The following CSMD2 variants were observed in gnomAD, a reference collection of about 807,000 sequenced individuals.
CSMD2 encodes the protein CUB and Sushi multiple domains 2.
In CSMD2, 130 loss-of-function variants were observed where a neutral mutation model predicts 398.5. That is an observed-to-expected ratio of 0.33 (90% CI 0.28 to 0.38). CSMD2 has a LOEUF of 0.38. Ranked by LOEUF, CSMD2 falls within the 10% of genes least tolerant of loss-of-function variation. CSMD2 has a pLI of 1.00. For missense variants in CSMD2, 3,829 were observed against 4,764.9 expected, an observed-to-expected ratio of 0.80 and a Z score of 5.78; for synonymous variants, 1,828 against 1,908.5, an observed-to-expected ratio of 0.96 and a Z score of 1.10.
At chr1:33,877,125 G>A (rs1307518566) in intron 5 of CSMD2, among the ~76,000 whole-genome samples, 3 of 152,240 alleles carry the variant, frequency 2.0e-5, no homozygotes, top group Non-Finnish European at 2.9e-5. Flanking sequence ...AAGGCAAATG[G>A]CTGCTGAGAG....
At chr1:33,961,880 T>C (rs2125398242) in intron 3 of CSMD2, among the ~76,000 whole-genome samples, 1 of 152,248 alleles carries the variant, frequency 6.6e-6, no homozygotes, top group African/African-American at 2.4e-5. Context: ...GAACCATGAA[T>C]CAAATCAACC....
Position 33,583,795 on chromosome 1 carries a change from T to C in CSMD2, c.7087A>G (p.Thr2363Ala), listed in dbSNP as rs769180908. The C allele has an allele frequency of 6.2e-7, 1 of 1,614,160 alleles. No homozygotes were observed. Among genetic ancestry groups the C allele is most frequent in the South Asian group, 1.1e-5 (1 of 91,084 alleles). ...TAGCTCTGGCTCAGGATCACGCCTG[T>C]GGAGTCTGTCAGAAGCTCATTTGTT... ...CPTNELLTDS[T>A]GVILSQSYPG... The change falls in exon 47 of 71, where the codon ACA becomes GCA. Residue 2363 changes from threonine to alanine, a missense_variant. By Grantham distance (58) the Thr-to-Ala change is moderately conservative. Coordinates refer to ENST00000373381, the MANE Select transcript of CSMD2 (RefSeq NM_001281956.2).
chr1:33,560,717 C>CA (rs1658461635), intron 53 of CSMD2, among the ~76,000 whole-genome samples: 1 of 152,250 alleles, frequency 6.6e-6, no homozygotes, highest in East Asian at 1.9e-4. Flanking sequence ...GCAACCAACA[C>CA]ACCACAGCAC....
intron 37 of CSMD2, among the ~76,000 whole-genome samples, chr1:33,618,476 T>A (rs1372512038): frequency 1.3e-5 from 2 of 152,182 alleles, no homozygotes; most frequent in African/African-American, 4.8e-5. Context: ...ACTTTCATGA[T>A]CTTGGCCTAG....
chr1:33,984,102 C>T (rs376006192), intron 3 of CSMD2, among the ~76,000 whole-genome samples: 4 of 151,888 alleles, frequency 2.6e-5, no homozygotes. Context: ...TGCAGGGAGC[C>T]GAGATCGCGC....
chr1:34,153,310 C>T (rs1384306414), intron 1 of CSMD2, among the ~76,000 whole-genome samples: 1 of 152,248 alleles, frequency 6.6e-6, no homozygotes, highest in African/African-American at 2.4e-5. Context: ...AGCCAGCGCA[C>T]CTGGCCTGTA....
intron 55 of CSMD2, among the ~76,000 whole-genome samples, chr1:33,555,935 G>A (rs1657922022): frequency 6.6e-6 from 1 of 151,980 alleles, no homozygotes; most frequent in Admixed American, 6.6e-5. Context: ...AATATCAACA[G>A]CAACATTAAC....
At chr1:34,149,174 T>G (rs1027231891) in intron 1 of CSMD2, among the ~76,000 whole-genome samples, 1 of 152,216 alleles carries the variant, frequency 6.6e-6, no homozygotes, top group African/African-American at 2.4e-5. Context: ...TTTGCCTCAG[T>G]TTCCCTGCTG....
intron 5 of CSMD2, among the ~76,000 whole-genome samples, chr1:33,910,139 C>T (rs1453242374): frequency 6.6e-6 from 1 of 152,156 alleles, no homozygotes; most frequent in Non-Finnish European, 1.5e-5. Context: ...CTGTTTAACC[C>T]ACTTAAAATT....
chr1:34,039,330 A>G (rs1429720518), intron 2 of CSMD2, among the ~76,000 whole-genome samples: 1 of 152,200 alleles, frequency 6.6e-6, no homozygotes, highest in African/African-American at 2.4e-5. Flanking sequence ...CCCTTATCCA[A>G]GGTCAGTGAT....
chr1:33,749,845 A>G (rs1028898414), intron 13 of CSMD2, among the ~76,000 whole-genome samples: 1 of 152,204 alleles, frequency 6.6e-6, no homozygotes, highest in African/African-American at 2.4e-5. Context: ...CTTAGTGGGT[A>G]GGTGGTTTCA....
chr1:33,999,559 C>A (rs571169861), intron 3 of CSMD2, among the ~76,000 whole-genome samples: 1 of 151,102 alleles, frequency 6.6e-6, no homozygotes, highest in East Asian at 2.0e-4. Context: ...CCTCACCCAG[C>A]TAATTTTTTT....
intron 2 of CSMD2, among the ~76,000 whole-genome samples, chr1:34,060,647 T>G (rs1654383229): frequency 7.5e-6 from 1 of 133,658 alleles, no homozygotes; most frequent in South Asian, 2.2e-4. Context: ...GGGTTCCCTG[T>G]TTCCTTTTTT....
intron 3 of CSMD2, among the ~76,000 whole-genome samples, chr1:33,962,946 T>C (rs1033073542): frequency 2.0e-5 from 3 of 152,246 alleles, no homozygotes; most frequent in Non-Finnish European, 2.9e-5. Flanking sequence ...GTTTCCTTCA[T>C]TCTTGTCCTT....
In CSMD2 at chr1:33,700,549, T is replaced by G; in HGVS notation, c.3701A>C (p.Asn1234Thr). The G allele has an allele frequency of 6.2e-7, 1 of 1,614,144 alleles. No homozygotes were observed. The highest frequency in any genetic ancestry group is 8.5e-7 in the Non-Finnish European group (1 of 1,180,026). ...GTGCAGTTCAAAGCCCTTGCTGGTG[T>G]TTTCAGCATCAGTGATGAAATCAAG... ...LWLDFITDAE[N>T]TSKGFELHFS... is the part of the protein sequence containing the mutation. Residue 1234 changes from asparagine (N) to threonine (T), a missense_variant, in exon 23 of 71, where the codon AAC becomes ACC. Asn to Thr is a moderately conservative substitution (Grantham distance 65). Coordinates refer to ENST00000373381, the MANE Select transcript of CSMD2 (RefSeq NM_001281956.2).
chr1:34,002,352 G>C (rs1646929621), intron 3 of CSMD2, among the ~76,000 whole-genome samples: 1 of 152,194 alleles, frequency 6.6e-6, no homozygotes, highest in South Asian at 2.1e-4. Flanking sequence ...AAGCTGACTA[G>C]GTGGCTTCTA....
intron 3 of CSMD2, among the ~76,000 whole-genome samples, chr1:34,019,534 C>T (rs1441954360): frequency 2.0e-5 from 3 of 152,178 alleles, no homozygotes; most frequent in African/African-American, 7.2e-5. Flanking sequence ...GGAGTGAGCC[C>T]TGGGCTTGGT....
intron 2 of CSMD2, among the ~76,000 whole-genome samples, chr1:34,081,399 T>C (rs1210583015): frequency 6.6e-6 from 1 of 151,776 alleles, no homozygotes; most frequent in East Asian, 2.0e-4. Context: ...GTCGTCCCTC[T>C]CCTTCCCCCT....
At chr1:34,102,414 T>C (rs1433390662) in intron 1 of CSMD2, among the ~76,000 whole-genome samples, 1 of 152,218 alleles carries the variant, frequency 6.6e-6, no homozygotes, top group Non-Finnish European at 1.5e-5. Context: ...GAAAGACTTC[T>C]CTCAACTAAA....
Sources: gnomAD v4.1 joint callset for allele counts (sites outside exome capture counted in the v4.1 genomes callset) on GRCh38, gnomAD v4.1.1 for gene constraint, MANE v1.5 for transcripts, NCBI Gene and HGNC (gene_info 2026-07-23, HGNC 2026-07-21) for gene names.